RIN2: variants seen among roughly 807,000 people sequenced by gnomAD.
RIN2 encodes the protein Ras and Rab interactor 2, also known as RAB5 interacting protein 2.
Under a neutral mutation model 78.0 loss-of-function variants are expected in RIN2, and 36 were observed. The ratio of observed to expected loss-of-function variants is 0.46; its 90% CI spans 0.35 to 0.61. RIN2 has a LOEUF of 0.61. RIN2 is among the 20% of genes least tolerant of loss of function. RIN2 has a pLI of 0.00. For synonymous variants in RIN2, 466 were observed against 466.8 expected (o/e 1.00, Z 0.02); for missense variants, 1,087 against 1,159.7 (o/e 0.94, Z 0.91).
chr20:19,872,614 C>T (rs2037723129), intron 2 of RIN2, among the ~76,000 whole-genome samples: 1 of 152,182 alleles, frequency 6.6e-6, no homozygotes, highest in Non-Finnish European at 1.5e-5. Flanking sequence ...TCAAGTGGGA[C>T]ACCCCTGAAG....
At chr20:19,761,649 T>C (rs1484656875) in intron 1 of RIN2, among the ~76,000 whole-genome samples, 2 of 152,226 alleles carry the variant, frequency 1.3e-5, no homozygotes, top group Non-Finnish European at 2.9e-5. Context: ...TGTGGTATTT[T>C]GGATAGTAAA....
chr20:19,904,237 A>AAAATATATATATATATATATATAT (rs2039115607), intron 3 of RIN2, among the ~76,000 whole-genome samples: 5 of 95,072 alleles, frequency 5.3e-5, no homozygotes, highest in African/African-American at 1.6e-4. Flanking sequence ...GTCTCAAAAA[A>AAAATATATATATATATATATATAT]AAAATATATA....
At chr20:19,790,938 C>T (rs1293643137) in intron 1 of RIN2, among the ~76,000 whole-genome samples, 3 of 152,170 alleles carry the variant, frequency 2.0e-5, no homozygotes, top group Non-Finnish European at 4.4e-5. Context: ...CAATATGCCC[C>T]AAGGGCTAAG....
chr20:19,972,927 A>G (rs183857899), intron 8 of RIN2, among the ~76,000 whole-genome samples: 1 of 152,358 alleles, frequency 6.6e-6, no homozygotes, highest in East Asian at 1.9e-4. Context: ...TATTTAATAT[A>G]TCCAAAACAT....
chr20:19,935,567 G>A (rs2040604888), intron 4 of RIN2: 1 of 1,014,922 alleles, frequency 9.9e-7, no homozygotes, highest in East Asian at 9.2e-5. Flanking sequence ...AAGGCTTACA[G>A]GGGAGCAGCT....
intron 9 of RIN2, among the ~76,000 whole-genome samples, chr20:19,988,048 A>C (rs557303867): frequency 1.3e-5 from 2 of 152,318 alleles, no homozygotes; most frequent in South Asian, 4.1e-4. Context: ...AATAATAGGT[A>C]ATCATTTGAA....
chr20:19,799,447 C>T (rs45464994), intron 1 of RIN2, 175 bp from the exon 2 acceptor site: 11,531 of 152,192 alleles, frequency 0.076, 433 homozygotes, highest in South Asian at 0.11. Flanking sequence ...TCTCCCTCCT[C>T]GGTTTCCTGG....
intron 2 of RIN2, among the ~76,000 whole-genome samples, chr20:19,833,009 A>C (rs1371940630): frequency 6.6e-6 from 1 of 152,136 alleles, no homozygotes; most frequent in African/African-American, 2.4e-5. Context: ...AAATTATTCA[A>C]ACCACCCACT....
intron 1 of RIN2, among the ~76,000 whole-genome samples, chr20:19,793,327 A>G (rs2034947619): frequency 6.6e-6 from 1 of 152,204 alleles, no homozygotes; most frequent in Non-Finnish European, 1.5e-5. Flanking sequence ...TCCTATTCAG[A>G]CTTGCCACAT....
chr20:19,912,735 TC>T (rs2039528942), intron 3 of RIN2, among the ~76,000 whole-genome samples: 1 of 152,136 alleles, frequency 6.6e-6, no homozygotes, highest in Non-Finnish European at 1.5e-5. Flanking sequence ...CGCCTCAGCC[TC>T]CCAAAGTGCT....
chr20:19,763,420 G>T (rs1484110506), intron 1 of RIN2, among the ~76,000 whole-genome samples: 1 of 148,660 alleles, frequency 6.7e-6, no homozygotes, highest in Non-Finnish European at 1.5e-5. Context: ...AGATATATAT[G>T]TATATCAGCA....
chr20:19,889,554 C>A lies in RIN2; in HGVS notation c.-36-12C>A. 6.5e-7 allele frequency: 1 copy of A among 1,547,186 alleles called. No individual in the cohort carries two copies. The highest frequency in any genetic ancestry group is 8.7e-7 in the Non-Finnish European group (1 of 1,144,150). The stretch of plus-strand genomic sequence containing the variant: ...AGGCTGGACTAACCATTAAAAATGT[C>A]TCTACCTTCAGGAGTCCCCGGCGTG... On this transcript the variant is annotated splice_polypyrimidine_tract_variant and intron_variant, in intron 2 of 12. Transcript: ENST00000255006.
chr20:19,787,889 A>G (rs914550316), intron 1 of RIN2, among the ~76,000 whole-genome samples: 4 of 152,024 alleles, frequency 2.6e-5, no homozygotes, highest in African/African-American at 9.7e-5. Context: ...ACACAAGACA[A>G]TCTCAGATCT....
Position 19,897,230 on chromosome 20 carries a change from T to A in RIN2, c.57+7572T>A, listed in dbSNP as rs529067933. On this transcript the variant is annotated intron_variant, in intron 3 of 12. Transcript: ENST00000255006. ...AAGTGATTCTCCTGCCTCAGCCTCC[T>A]GAGTAGCTGGGATTACAGATGAACC... Among the ~76,000 whole-genome samples the A allele has an allele frequency of 7.4e-4, 113 of 152,270 alleles. No homozygotes were observed. The South Asian group carries it at 0.014, about 19-fold the overall frequency.
intron 4 of RIN2, among the ~76,000 whole-genome samples, chr20:19,948,476 C>A (rs2041186055): frequency 1.3e-5 from 2 of 152,088 alleles, no homozygotes; most frequent in Non-Finnish European, 2.9e-5. Flanking sequence ...CTTACTGCAA[C>A]CTCCGCCTCC....
intron 1 of RIN2, among the ~76,000 whole-genome samples, chr20:19,782,884 C>T (rs1367215936): frequency 1.3e-5 from 2 of 152,260 alleles, no homozygotes; most frequent in Non-Finnish European, 2.9e-5. Context: ...GGTTTGACTG[C>T]ATCCCCTGCC....
At position 19,975,242 on chromosome 20, in the gene RIN2, G is replaced by C; in HGVS notation, c.1217G>C (p.Gly406Ala). Residue 406 changes from glycine (G) to alanine (A), a missense_variant, in exon 9 of 13, where the codon GGG (glycine) becomes GCG (alanine). Coordinates refer to ENST00000255006, the MANE Select transcript of RIN2 (RefSeq NM_018993.4). This position sits in a 1 kb window ranked among gnomAD's most constrained non-coding sequence, Gnocchi z 4.9. Reference sequence around the variant, plus strand: ...GGGGCCCCGCCTGAGGCCGCCCCGGGGGATTGCACAAGGGCCCCGCCGCCC... The same window carrying C: ...GGGGCCCCGCCTGAGGCCGCCCCGGCGGATTGCACAAGGGCCCCGCCGCCC... ...PGGAPPEAAPGDCTRAPPPSS... is the reference protein window; with the variant it reads ...PGGAPPEAAPADCTRAPPPSS... The C allele has an allele frequency of 1.3e-6, 2 of 1,583,850 alleles. No homozygotes were observed. The highest frequency in any genetic ancestry group is 1.7e-4 in the Middle Eastern group (1 of 5,986).
chr20:19,944,336 T>C (rs2040999635), intron 4 of RIN2, among the ~76,000 whole-genome samples: 1 of 152,146 alleles, frequency 6.6e-6, no homozygotes, highest in Non-Finnish European at 1.5e-5. Context: ...CCTGGCTTCA[T>C]CTCCCACCTA....
intron 4 of RIN2, among the ~76,000 whole-genome samples, chr20:19,939,173 A>G (rs1202804695): frequency 2.0e-5 from 3 of 152,116 alleles, no homozygotes; most frequent in Admixed American, 6.6e-5. Context: ...CAGCCTCCCA[A>G]CATAGCTGGG....
Sources: gnomAD v4.1 joint callset for allele counts (sites outside exome capture counted in the v4.1 genomes callset) on GRCh38, gnomAD v4.1.1 for gene constraint, Gnocchi (gnomAD v3.1) non-coding constraint, MANE v1.5 for transcripts, NCBI Gene and HGNC (gene_info 2026-07-23, HGNC 2026-07-21) for gene names.